Variants in MLLT1 observed in about 807,000 individuals in gnomAD.
The protein encoded by MLLT1 is MLLT1 super elongation complex subunit, also known as protein ENL.
Under a neutral mutation model 55.1 loss-of-function variants are expected in MLLT1, and 11 were observed. The observed-to-expected ratio is 0.20, with a 90% CI of 0.13 to 0.33. The LOEUF (loss-of-function observed/expected upper bound fraction) is 0.33, where lower values mean the gene tolerates loss of function less well. MLLT1 is among the 10% of genes least tolerant of loss of function. The pLI, the probability that MLLT1 is intolerant of heterozygous loss-of-function variation, is 1.00. For synonymous variants in MLLT1, 323 were observed against 320.1 expected (o/e 1.01, Z -0.10); for missense variants, 536 against 760.6 (o/e 0.70, Z 3.47).
intron 3 of MLLT1, among the ~76,000 whole-genome samples, chr19:6,245,257 CTT>C (rs71172798): frequency 2.7e-4 from 36 of 133,696 alleles, no homozygotes; most frequent in Admixed American, 4.4e-4. Flanking sequence ...TTCTTTCTTT[CTT>C]TTTTTTTTTT....
intron 1 of MLLT1, among the ~76,000 whole-genome samples, chr19:6,279,556 C>T (rs146505276): frequency 0.049 from 7,480 of 151,750 alleles, 317 homozygotes; most frequent in East Asian, 0.18. Flanking sequence ...GCTCCGGGCC[C>T]GGCCCGGGTC....
intron 1 of MLLT1, among the ~76,000 whole-genome samples, chr19:6,277,735 G>A (rs1342078053): frequency 6.6e-6 from 1 of 152,198 alleles, no homozygotes; most frequent in Non-Finnish European, 1.5e-5. Context: ...CAGGGACTAA[G>A]GAAGGAGGAA....
intron 3 of MLLT1, among the ~76,000 whole-genome samples, chr19:6,244,043 C>CAAA (rs1179461309): frequency 3.7e-3 from 164 of 44,646 alleles, no homozygotes; most frequent in African/African-American, 7.4e-3. Flanking sequence ...GACTCCACCT[C>CAAA]AAAAAAAAAA....
chr19:6,246,100 C>G (rs1384056350), intron 3 of MLLT1, among the ~76,000 whole-genome samples: 1 of 144,166 alleles, frequency 6.9e-6, no homozygotes, highest in South Asian at 2.2e-4. Context: ...AAAAAGAAAA[C>G]AAAGAGAAAA....
At chr19:6,243,238 C>A (rs984543368) in intron 3 of MLLT1, among the ~76,000 whole-genome samples, 3 of 152,120 alleles carry the variant, frequency 2.0e-5, no homozygotes, top group Admixed American at 1.3e-4. Context: ...TCAGTGGGGG[C>A]CCCCACCCCG....
Position 6,210,623 on chromosome 19 carries a change from C to G in MLLT1, c.*2419G>C. 1 of 226,612 alleles carries G rather than the reference C, an allele frequency of 4.4e-6. No homozygotes were observed. Among genetic ancestry groups the G allele is most frequent in the South Asian group, 1.8e-4 (1 of 5,456 alleles). The allele number at this position is 226,612 out of a possible 1,614,324, so 14.0% of individuals were successfully genotyped here. ...AAGGTATTCGATACCATTTGCTTTC[C>G]GGCGTCGGTTTACATTTTTGTTCAG... On this transcript the variant is annotated 3_prime_UTR_variant, in exon 12 of 12. Transcript: ENST00000252674. The surrounding 1 kb of genome is among the most constrained non-coding windows in gnomAD (Gnocchi z 4.6).
chr19:6,238,499 G>A (rs2091083992), intron 3 of MLLT1, among the ~76,000 whole-genome samples: 1 of 152,194 alleles, frequency 6.6e-6, no homozygotes, highest in African/African-American at 2.4e-5. Context: ...CCGGAGGTGG[G>A]GGGCGGCTGC....
rs371626197 is a variant in MLLT1, at chr19:6,270,718, T to C, written c.54A>G (p.Gln18=). The change falls in exon 2 of 12, where the codon CAA becomes CAG. Residue 18 remains glutamine, a synonymous_variant. Coordinates refer to ENST00000252674, the MANE Select transcript of MLLT1 (RefSeq NM_005934.4). The surrounding 1 kb of genome is among the most constrained non-coding windows in gnomAD (Gnocchi z 7.1). ...CCTCCGTGGTGGGCTTCTTGCGCAG[T>C]TGGGCGCGATGCCCCAGCTCTAACC... The part of the protein sequence containing the change: ...QVRLELGHRA[Q]LRKKPTTEGF... 13 of 1,613,678 alleles carry C rather than the reference T, an allele frequency of 8.1e-6. No homozygotes were observed. The African/African-American group carries it at 1.3e-4, about 17-fold the overall frequency.
intron 9 of MLLT1, 41 bp downstream of exon 9, chr19:6,213,898 C>A (rs2233195): frequency 6.7e-7 from 1 of 1,496,572 alleles, no homozygotes; most frequent in South Asian, 1.3e-5. Context: ...GGGCTAAGCC[C>A]GGCCTCTGGT....
At chr19:6,213,876 C>A in intron 9 of MLLT1, 63 bp downstream of exon 9, 1 of 1,546,294 alleles carries the variant, frequency 6.5e-7, no homozygotes, top group Non-Finnish European at 8.8e-7. Context: ...CCTCCTAGGA[C>A]AGCCCGGCCC....
intron 7 of MLLT1, among the ~76,000 whole-genome samples, chr19:6,217,481 A>G (rs988132305): frequency 1.1e-4 from 16 of 152,248 alleles, no homozygotes; most frequent in Middle Eastern, 3.4e-3. Context: ...CCTTTCCCCA[A>G]AAAGCCGCCC....
rs1199143502 is a variant in MLLT1, at chr19:6,229,532, C to A, written c.420+1038G>T. ...ACACGTCATACATGCCACATACACA[C>A]CTGACACATTCACATACTCCCCATA... On this transcript the variant is annotated intron_variant, in intron 4 of 11. Coordinates refer to ENST00000252674, the MANE Select transcript of MLLT1 (RefSeq NM_005934.4). This position sits in a 1 kb window ranked among gnomAD's most constrained non-coding sequence, Gnocchi z 5.2. 6.6e-6 allele frequency among the ~76,000 whole-genome samples: 1 copy of A among 151,884 alleles called. No homozygotes were observed. Among genetic ancestry groups the A allele is most frequent in the Non-Finnish European group, 1.5e-5 (1 of 67,956 alleles).
rs888867107 is a variant in MLLT1, at chr19:6,212,739, G to A, written c.*303C>T. 2 of 1,147,806 alleles carry A rather than the reference G, an allele frequency of 1.7e-6. No individual in the cohort carries two copies. The highest frequency in any genetic ancestry group is 2.2e-6 in the Non-Finnish European group (2 of 918,086). The allele number at this position is 1,147,806 out of a possible 1,614,324, so 71.1% of individuals were successfully genotyped here. A position where few individuals can be genotyped will look rare whatever the true frequency, so the allele number is the denominator to read the frequency against. On this transcript the variant is annotated 3_prime_UTR_variant, in exon 12 of 12. Transcript: ENST00000252674. The stretch of plus-strand genomic sequence containing the variant: ...CAGTGGGGGCTGGTCCCAAGGCTGG[G>A]CGAGGGGCCCCCGGCCCTGTCTCTG...
rs528297502 is a variant in MLLT1, at chr19:6,243,449, G to A, written c.277-12736C>T. On this transcript the variant is annotated intron_variant, in intron 3 of 11. Coordinates refer to ENST00000252674, the MANE Select transcript of MLLT1 (RefSeq NM_005934.4). The stretch of plus-strand genomic sequence containing the variant: ...GATGGAGCCAGGTCTGCATTATAAT[G>A]TCACTGACCTACTCCAGAACATCAT... 1.2e-4 allele frequency among the ~76,000 whole-genome samples: 18 copies of A among 152,310 alleles called. 1 individual carries two copies. Among genetic ancestry groups the A allele is most frequent in the African/African-American group, 3.8e-4 (16 of 41,570 alleles).
At chr19:6,277,014 C>CTGTT (rs1391727212) in intron 1 of MLLT1, among the ~76,000 whole-genome samples, 1 of 152,222 alleles carries the variant, frequency 6.6e-6, no homozygotes. Context: ...GAAAGCTGTG[C>CTGTT]TGTTTCCCAC....
rs574757368 is a variant in MLLT1, at chr19:6,214,052, C to T, written c.1308-14G>A. On this transcript the variant is annotated splice_polypyrimidine_tract_variant and intron_variant, in intron 8 of 11. Coordinates refer to ENST00000252674, the MANE Select transcript of MLLT1 (RefSeq NM_005934.4). ...CTGAAGCTCAACCTGAACCGACACA[C>T]GGGGGCGCATCAGGCCCCTGCCGCC... is the stretch of plus-strand genomic sequence containing the variant. 3.9e-5 allele frequency: 55 copies of T among 1,410,790 alleles called. 2 individuals are homozygous for T. In the East Asian group the frequency reaches 5.8e-4, roughly 15 times the overall value. 87.4% of individuals were successfully genotyped at this position (1,410,790 alleles called of 1,614,324 possible).
intron 7 of MLLT1, 121 bp from the exon 8 acceptor site, chr19:6,216,634 C>T (rs980523578): frequency 3.0e-6 from 2 of 664,382 alleles, no homozygotes; most frequent in Non-Finnish European, 5.1e-6. Context: ...AATGCACACG[C>T]CCGTCCACCT....
chr19:6,233,841 G>A (rs758239483), intron 3 of MLLT1, among the ~76,000 whole-genome samples: 14 of 152,228 alleles, frequency 9.2e-5, no homozygotes, highest in Non-Finnish European at 1.9e-4. Flanking sequence ...AGCTTTCCTT[G>A]AGGACTCAAA....
At chr19:6,228,071 C>T (rs1398035497) in intron 4 of MLLT1, among the ~76,000 whole-genome samples, 1 of 152,130 alleles carries the variant, frequency 6.6e-6, no homozygotes, top group Non-Finnish European at 1.5e-5. Flanking sequence ...GGCCATGGGC[C>T]CCTAGGGTCC....
Sources: gnomAD v4.1 joint callset for allele counts (sites outside exome capture counted in the v4.1 genomes callset) on GRCh38, gnomAD v4.1.1 for gene constraint, Gnocchi (gnomAD v3.1) non-coding constraint, MANE v1.5 for transcripts, NCBI Gene and HGNC (gene_info 2026-07-23, HGNC 2026-07-21) for gene names.